The following TTC39C variants were observed in gnomAD, a reference collection of about 807,000 sequenced individuals.
TTC39C encodes the protein tetratricopeptide repeat protein 39C.
TTC39C carries 33 observed loss-of-function variants against 76.3 expected under a neutral mutation model. The observed-to-expected ratio is 0.43, with a 90% CI of 0.33 to 0.58. The LOEUF (loss-of-function observed/expected upper bound fraction) is 0.58. Ranked by LOEUF, TTC39C falls within the 20% of genes least tolerant of loss-of-function variation. The pLI, the probability that TTC39C is intolerant of heterozygous loss-of-function variation, is 0.04. For missense variants in TTC39C, 595 were observed against 701.4 expected (o/e 0.85, Z 1.71); for synonymous variants, 254 against 260.6 (o/e 0.97, Z 0.24).
intron 1 of TTC39C, among the ~76,000 whole-genome samples, chr18:24,019,012 A>G (rs2083488786): frequency 6.6e-6 from 1 of 152,218 alleles, no homozygotes; most frequent in Non-Finnish European, 1.5e-5. Flanking sequence ...TGTCACAGCC[A>G]TAATTCACCG....
At chr18:24,093,063 A>G (rs1400205690) in intron 6 of TTC39C, among the ~76,000 whole-genome samples, 2 of 152,256 alleles carry the variant, frequency 1.3e-5, no homozygotes, top group Non-Finnish European at 2.9e-5. Flanking sequence ...TTTTAAACTT[A>G]GATTGTAGTA....
At chr18:24,036,439 G>A (rs1416304183) in intron 1 of TTC39C, among the ~76,000 whole-genome samples, 1 of 152,102 alleles carries the variant, frequency 6.6e-6, no homozygotes, top group African/African-American at 2.4e-5. Flanking sequence ...TCACCTCGCT[G>A]GTTAAGTTTA....
intron 8 of TTC39C, among the ~76,000 whole-genome samples, chr18:24,119,102 T>C (rs752629361): frequency 1.6e-5 from 2 of 127,348 alleles, no homozygotes; most frequent in African/African-American, 3.0e-5. Flanking sequence ...CATATCGTTA[T>C]TAACACCTGT....
At chr18:24,111,164 G>T (rs1394771005) in intron 6 of TTC39C, among the ~76,000 whole-genome samples, 1 of 151,764 alleles carries the variant, frequency 6.6e-6, no homozygotes, top group Non-Finnish European at 1.5e-5. Context: ...CTAATTTTTT[G>T]TATTTTTAGT....
intron 1 of TTC39C, chr18:24,020,343 T>C (rs1270893546): frequency 2.3e-5 from 23 of 984,724 alleles, no homozygotes; most frequent in Non-Finnish European, 2.8e-5. Flanking sequence ...TAGGAGAGTT[T>C]GGAGGAAATT....
intron 3 of TTC39C, among the ~76,000 whole-genome samples, chr18:24,067,873 C>T (rs560297914): frequency 2.0e-5 from 3 of 152,258 alleles, no homozygotes; most frequent in East Asian, 1.9e-4. Flanking sequence ...GCTGACTTGG[C>T]GTTTACGTTT....
At chr18:24,069,553 A>G (rs531194321) in intron 4 of TTC39C, among the ~76,000 whole-genome samples, 7 of 152,280 alleles carry the variant, frequency 4.6e-5, no homozygotes, top group African/African-American at 7.2e-5. Flanking sequence ...GATGTATAAT[A>G]GTTTTTCTTT....
At position 24,074,577 on chromosome 18, in the gene TTC39C, A is replaced by T. The variant is rs145645858; in HGVS notation, c.460+5306A>T. Among the ~76,000 whole-genome samples the T allele has an allele frequency of 4.7e-4, 71 of 152,340 alleles. 1 individual carries two copies. The Middle Eastern group carries it at 0.01, about 22-fold the overall frequency. On this transcript the variant is annotated intron_variant, in intron 4 of 13. Transcript: ENST00000317571. ...GCTCATCATCACCGGCCATCAGAGA[A>T]ATGCAGATCAAAATCACAATGAGAT...
chr18:24,128,155 G>C (rs556301512), intron 10 of TTC39C, among the ~76,000 whole-genome samples: 1 of 152,268 alleles, frequency 6.6e-6, no homozygotes, highest in South Asian at 2.1e-4. Flanking sequence ...CAAATAGTAG[G>C]CTCTCAATAA....
At chr18:24,064,475 G>A (rs2145731392) in intron 2 of TTC39C, among the ~76,000 whole-genome samples, 1 of 152,150 alleles carries the variant, frequency 6.6e-6, no homozygotes, top group East Asian at 1.9e-4. Flanking sequence ...CTGCATTCGA[G>A]GTAGAAAAAA....
intron 1 of TTC39C, among the ~76,000 whole-genome samples, chr18:24,041,505 A>C (rs1235507739): frequency 1.3e-5 from 2 of 152,144 alleles, no homozygotes; most frequent in Non-Finnish European, 2.9e-5. Flanking sequence ...AGACCAAGCA[A>C]ATTATAAAAT....
intron 6 of TTC39C, among the ~76,000 whole-genome samples, chr18:24,090,797 CTTTTTTTTTTTTTTT>C (rs1218689781): frequency 1.3e-5 from 1 of 79,526 alleles, no homozygotes; most frequent in Admixed American, 1.4e-4. Flanking sequence ...GATTAATTTA[CTTTTTTTTTTTTTTT>C]TTTTTTTTTT....
At chr18:24,095,287 T>C (rs181426813) in intron 6 of TTC39C, among the ~76,000 whole-genome samples, 2 of 152,382 alleles carry the variant, frequency 1.3e-5, no homozygotes, top group East Asian at 1.9e-4. Flanking sequence ...TTTAAAGGAA[T>C]GTTGTGGCTG....
chr18:24,093,783 TA>T (rs1426323891), intron 6 of TTC39C, among the ~76,000 whole-genome samples: 3 of 152,322 alleles, frequency 2.0e-5, no homozygotes, highest in Admixed American at 6.5e-5. Context: ...ATACCTTAAT[TA>T]AAAAACTTTA....
upstream of TTC39C, chr18:24,014,682 G>A (rs1413118586): frequency 1.3e-5 from 12 of 909,422 alleles, no homozygotes; most frequent in African/African-American, 1.3e-4. Context: ...CCCACGCCGC[G>A]CCGCAGCCGG....
intron 1 of TTC39C, among the ~76,000 whole-genome samples, chr18:23,997,093 A>G (rs1389719530): frequency 6.6e-6 from 1 of 151,798 alleles, no homozygotes; most frequent in Non-Finnish European, 1.5e-5. Flanking sequence ...TGGATGACAG[A>G]GTGAGACTCC....
chr18:24,090,753 T>G (rs2084506564), intron 6 of TTC39C, among the ~76,000 whole-genome samples: 2 of 150,818 alleles, frequency 1.3e-5, no homozygotes, highest in South Asian at 4.2e-4. Flanking sequence ...GACATATGGA[T>G]CAGTGAGAAT....
intron 1 of TTC39C, among the ~76,000 whole-genome samples, chr18:24,061,531 C>A (rs572603406): frequency 2.1e-5 from 3 of 141,994 alleles, no homozygotes; most frequent in Admixed American, 7.5e-5. Flanking sequence ...GAGACACATG[C>A]ATGGTCCACA....
chr18:24,108,730 G>A (rs1055525033), intron 6 of TTC39C, among the ~76,000 whole-genome samples: 1 of 152,076 alleles, frequency 6.6e-6, no homozygotes, highest in Non-Finnish European at 1.5e-5. Context: ...TATAGTACAT[G>A]GTTTATTTCT....
Sources: allele counts gnomAD v4.1 joint callset (sites outside exome capture counted in the v4.1 genomes callset), GRCh38; gene constraint gnomAD v4.1.1; transcripts MANE v1.5; gene names NCBI Gene and HGNC (gene_info 2026-07-23, HGNC 2026-07-21).